COL25A1: variants seen among roughly 807,000 people sequenced by gnomAD.
COL25A1 encodes collagen type XXV alpha 1 chain.
In COL25A1, 103 loss-of-function variants were observed where a neutral mutation model predicts 128.4. The observed-to-expected ratio is 0.80, with a 90% CI of 0.68 to 0.94. The LOEUF is 0.94. Among genes scored for constraint, COL25A1 ranks in the 40% least tolerant of loss-of-function variants. The pLI, the probability that COL25A1 is intolerant of heterozygous loss-of-function variation, is 0.00. For synonymous variants in COL25A1, 279 were observed against 277.2 expected (o/e 1.01, Z -0.06); for missense variants, 745 against 840.0 (o/e 0.89, Z 1.40).
chr4:108,907,555 C>A (rs564005715), intron 13 of COL25A1, among the ~76,000 whole-genome samples: 1 of 152,156 alleles, frequency 6.6e-6, no homozygotes, highest in Non-Finnish European at 1.5e-5. Flanking sequence ...GGAGCACTCA[C>A]AAAACAGTGA....
At chr4:109,005,179 G>C (rs934763772) in intron 6 of COL25A1, among the ~76,000 whole-genome samples, 3 of 152,152 alleles carry the variant, frequency 2.0e-5, no homozygotes, top group Non-Finnish European at 4.4e-5. Flanking sequence ...TAAGGCAAAG[G>C]GGGAGCCAGC....
At chr4:109,276,716 T>C (rs367562164) in intron 3 of COL25A1, among the ~76,000 whole-genome samples, 18 of 152,286 alleles carry the variant, frequency 1.2e-4, no homozygotes, top group African/African-American at 3.9e-4. Context: ...TGCTCTGTAC[T>C]GCAATTCTTG....
intron 8 of COL25A1, among the ~76,000 whole-genome samples, chr4:108,947,809 G>C (rs991225243): frequency 3.9e-5 from 6 of 152,156 alleles, no homozygotes; most frequent in African/African-American, 1.4e-4. Context: ...GCTGATCATT[G>C]ATCAGCACAA....
At chr4:109,116,531 C>A (rs780090720) in intron 3 of COL25A1, among the ~76,000 whole-genome samples, 6 of 151,962 alleles carry the variant, frequency 3.9e-5, no homozygotes, top group Non-Finnish European at 8.8e-5. Context: ...TCCTCCTCTC[C>A]CCACACCTTA....
At chr4:108,951,868 G>C (rs1318591786) in intron 8 of COL25A1, among the ~76,000 whole-genome samples, 1 of 152,024 alleles carries the variant, frequency 6.6e-6, no homozygotes, top group Non-Finnish European at 1.5e-5. Context: ...GGCCCCTAAG[G>C]GTGTCAGACA....
At chr4:108,911,426 C>CTCTAATTTAAAAA (rs377737663) in intron 13 of COL25A1, among the ~76,000 whole-genome samples, 22 of 147,696 alleles carry the variant, frequency 1.5e-4, no homozygotes, top group South Asian at 1.1e-3. Flanking sequence ...CTTCGCAATA[C>CTCTAATTTAAAAA]TCTATAGATT....
intron 3 of COL25A1, among the ~76,000 whole-genome samples, chr4:109,280,134 GAAC>G (rs1384082906): frequency 3.3e-5 from 5 of 152,264 alleles, no homozygotes; most frequent in African/African-American, 9.6e-5. Context: ...TCGCAGGACT[GAAC>G]AATGAAAATG....
chr4:109,240,158 T>C (rs1283223588), intron 3 of COL25A1, among the ~76,000 whole-genome samples: 1 of 152,086 alleles, frequency 6.6e-6, no homozygotes, highest in African/African-American at 2.4e-5. Context: ...TGATAAATAG[T>C]ATATCATAGT....
At chr4:108,846,545 T>TA (rs1414210410) in intron 27 of COL25A1, among the ~76,000 whole-genome samples, 1 of 152,210 alleles carries the variant, frequency 6.6e-6, no homozygotes, top group Non-Finnish European at 1.5e-5. Flanking sequence ...AACAACTTAA[T>TA]AGACTTAATT....
chr4:109,211,560 TG>T (rs1777565799), intron 3 of COL25A1, among the ~76,000 whole-genome samples: 1 of 150,906 alleles, frequency 6.6e-6, no homozygotes, highest in Non-Finnish European at 1.5e-5. Context: ...TACCTGGCAT[TG>T]TCATCAGTGG....
intron 3 of COL25A1, among the ~76,000 whole-genome samples, chr4:109,073,639 C>T (rs537113518): frequency 6.6e-6 from 1 of 152,312 alleles, no homozygotes; most frequent in South Asian, 2.1e-4. Context: ...CAATGTTCCT[C>T]TACTCATTGT....
At chr4:108,860,181 G>C (rs1054099621) in intron 23 of COL25A1, among the ~76,000 whole-genome samples, 2 of 151,908 alleles carry the variant, frequency 1.3e-5, no homozygotes, top group Non-Finnish European at 2.9e-5. Flanking sequence ...GCGTGATCTC[G>C]GCTCACTGCA....
At chr4:109,164,895 A>G (rs7441619) in intron 3 of COL25A1, among the ~76,000 whole-genome samples, 76,952 of 151,966 alleles carry the variant, frequency 0.51, 21,951 homozygotes, top group Non-Finnish European at 0.65. Context: ...TTGCTTTTCT[A>G]TAATTTGCTT....
chr4:109,285,055 C>G (rs1451049796), intron 3 of COL25A1, among the ~76,000 whole-genome samples: 1 of 152,030 alleles, frequency 6.6e-6, no homozygotes, highest in Non-Finnish European at 1.5e-5. Flanking sequence ...TTCTTGCATA[C>G]ACCTGTCAGG....
In COL25A1 at chr4:108,948,972, C is replaced by T. The variant is rs1749090355; in HGVS notation, c.493-7535G>A. Among the ~76,000 whole-genome samples, 4 of 152,128 alleles carry T rather than the reference C, an allele frequency of 2.6e-5. No individual in the cohort carries two copies. In the South Asian group the frequency reaches 8.3e-4, roughly 32 times the overall value. On this transcript the variant is annotated intron_variant, in intron 8 of 37. Coordinates refer to ENST00000399132, the MANE Select transcript of COL25A1 (RefSeq NM_198721.4). ...TATGATCTATTAGGGGATTCCAGGC[C>T]TTGTTGTAAAGTGTTCCCTAATGAC...
chr4:108,845,143 G>A (rs1734934342), intron 29 of COL25A1, 46 bp downstream of exon 29: 1 of 1,487,186 alleles, frequency 6.7e-7, no homozygotes, highest in East Asian at 2.3e-5. Context: ...ATGTCAGTGT[G>A]TGAGGAGGTT....
chr4:108,998,468 A>G (rs935222713), intron 6 of COL25A1, among the ~76,000 whole-genome samples: 6 of 152,230 alleles, frequency 3.9e-5, no homozygotes, highest in Non-Finnish European at 8.8e-5. Context: ...ATAAAAGATG[A>G]CACAAACAAA....
chr4:109,192,954 G>A (rs189642711), intron 3 of COL25A1, among the ~76,000 whole-genome samples: 139 of 152,108 alleles, frequency 9.1e-4, no homozygotes, highest in Middle Eastern at 6.8e-3. Flanking sequence ...GCAAGCCAAC[G>A]AAAAAGATAT....
chr4:109,137,986 G>A (rs11727363), intron 3 of COL25A1, among the ~76,000 whole-genome samples: 11 of 47,080 alleles, frequency 2.3e-4, no homozygotes, highest in East Asian at 1.1e-3. Context: ...ATATATATAT[G>A]TGTGTGTGTG....
Sources: gnomAD v4.1 joint callset for allele counts (sites outside exome capture counted in the v4.1 genomes callset) on GRCh38, gnomAD v4.1.1 for gene constraint, MANE v1.5 for transcripts, NCBI Gene and HGNC (gene_info 2026-07-23, HGNC 2026-07-21) for gene names.